SIPA1L2: variants seen among roughly 807,000 people sequenced by gnomAD.
SIPA1L2 encodes the protein signal-induced proliferation-associated 1-like protein 2.
SIPA1L2 carries 56 observed loss-of-function variants against 163.9 expected under a neutral mutation model. The observed-to-expected ratio is 0.34, with a 90% confidence interval of 0.28 to 0.43. The LOEUF is 0.43. SIPA1L2 is among the 20% of genes least tolerant of loss of function. SIPA1L2 has a pLI of 1.00. For synonymous variants in SIPA1L2, 877 were observed against 865.7 expected (o/e 1.01, Z -0.23); for missense variants, 1,974 against 2,193.5 (o/e 0.90, Z 2.00).
At chr1:232,550,914 G>A (rs534771844) in intron 2 of SIPA1L2, among the ~76,000 whole-genome samples, 1 of 152,286 alleles carries the variant, frequency 6.6e-6, no homozygotes, top group East Asian at 1.9e-4. Context: ...ACTAGGTTCT[G>A]GCTTAAAGCA....
intron 5 of SIPA1L2, among the ~76,000 whole-genome samples, chr1:232,486,607 C>A (rs1415443686): frequency 2.6e-5 from 4 of 152,190 alleles, no homozygotes; most frequent in African/African-American, 9.7e-5. Flanking sequence ...GTCATGCCTA[C>A]TTTTGATCAG....
In SIPA1L2 at chr1:232,465,505, C is replaced by T. The variant is rs1003505185; in HGVS notation, c.2244-89G>A. On this transcript the variant is annotated intron_variant, in intron 8 of 22. Transcript: ENST00000674635. The surrounding 1 kb of genome is among the most constrained non-coding windows in gnomAD (Gnocchi z 4.1). ...AATTTGACATATATATACACACACA[C>T]ACACATATACATACACACACACACA... The T allele has an allele frequency of 7.1e-6, 7 of 979,072 alleles. No homozygotes were observed. The Admixed American group carries it at 1.2e-4, about 17-fold the overall frequency. The allele number at this position is 979,072 out of a possible 1,614,324, so 60.6% of individuals were successfully genotyped here.
intron 1 of SIPA1L2, among the ~76,000 whole-genome samples, chr1:232,628,708 G>A (rs190433080): frequency 0.013 from 2,005 of 152,204 alleles, 30 homozygotes; most frequent in Non-Finnish European, 0.018. Flanking sequence ...ATTACTAATT[G>A]TAACACTAGA....
chr1:232,486,220 C>G (rs1665641152), intron 5 of SIPA1L2, among the ~76,000 whole-genome samples: 1 of 152,186 alleles, frequency 6.6e-6, no homozygotes. Flanking sequence ...CGTCACCAGC[C>G]TGGCTCACTT....
chr1:232,412,049 A>T (rs1660986025), intron 19 of SIPA1L2, among the ~76,000 whole-genome samples: 1 of 152,202 alleles, frequency 6.6e-6, no homozygotes, highest in Non-Finnish European at 1.5e-5. Flanking sequence ...CCTTGCACGA[A>T]TAGAGTTTAA....
chr1:232,460,335 C>T (rs192118353), intron 10 of SIPA1L2, among the ~76,000 whole-genome samples: 1 of 152,276 alleles, frequency 6.6e-6, no homozygotes, highest in Non-Finnish European at 1.5e-5. Context: ...TTTCTCCTGA[C>T]AGTTTATGAT....
At chr1:232,457,738 G>A (rs1664008008) in intron 10 of SIPA1L2, among the ~76,000 whole-genome samples, 1 of 152,148 alleles carries the variant, frequency 6.6e-6, no homozygotes, top group Non-Finnish European at 1.5e-5. Context: ...CTCCTCTACA[G>A]TTTCTTAACA....
chr1:232,522,268 G>A (rs1465344833), intron 2 of SIPA1L2, among the ~76,000 whole-genome samples: 1 of 152,128 alleles, frequency 6.6e-6, no homozygotes, highest in Non-Finnish European at 1.5e-5. Context: ...TGGTCCATGA[G>A]TTCCAGCCCC....
rs78141199 is a variant in SIPA1L2, at chr1:232,616,784, T to C, written c.-319+13085A>G. Among the ~76,000 whole-genome samples, 4,574 of 152,306 alleles carry C rather than the reference T, an allele frequency of 0.03. 390 individuals carry two copies. In the East Asian group the frequency reaches 0.36, roughly 12 times the overall value. On this transcript the variant is annotated intron_variant, in intron 1 of 22. Coordinates refer to ENST00000674635, the MANE Select transcript of SIPA1L2 (RefSeq NM_020808.5). ...ACATGCAAAACCACCATTAACCCGG[T>C]ACAGCTGATGAAAACGTTTTAGTAC... is the stretch of plus-strand genomic sequence containing the variant.
At chr1:232,505,536 G>A (rs1282364689) in intron 3 of SIPA1L2, among the ~76,000 whole-genome samples, 3 of 152,210 alleles carry the variant, frequency 2.0e-5, no homozygotes, top group Admixed American at 6.5e-5. Flanking sequence ...CAGAGAGTCA[G>A]TAGGTTTTGA....
At chr1:232,411,191 A>G (rs1455141045) in intron 19 of SIPA1L2, among the ~76,000 whole-genome samples, 1 of 152,192 alleles carries the variant, frequency 6.6e-6, no homozygotes, top group East Asian at 1.9e-4. Flanking sequence ...TTTACAGGAA[A>G]CCAAGTTCTT....
At chr1:232,431,315 A>G (rs1286385586) in intron 16 of SIPA1L2, among the ~76,000 whole-genome samples, 1 of 152,238 alleles carries the variant, frequency 6.6e-6, no homozygotes, top group Admixed American at 6.5e-5. Flanking sequence ...GCAATGACTG[A>G]CATGATTTTT....
At chr1:232,446,477 G>A (rs1387827371) in intron 10 of SIPA1L2, among the ~76,000 whole-genome samples, 1 of 152,138 alleles carries the variant, frequency 6.6e-6, no homozygotes, top group Non-Finnish European at 1.5e-5. Context: ...TGTATGCTTT[G>A]TATACATGCA....
chr1:232,593,222 C>T (rs55860225), intron 1 of SIPA1L2, among the ~76,000 whole-genome samples: 24,729 of 152,112 alleles, frequency 0.16, 2,130 homozygotes, highest in Middle Eastern at 0.24. Flanking sequence ...ATATTCAACT[C>T]TCTCATAGAG....
chr1:232,521,072 A>G (rs567272453), intron 2 of SIPA1L2, among the ~76,000 whole-genome samples: 2 of 152,354 alleles, frequency 1.3e-5, no homozygotes, highest in South Asian at 4.1e-4. Flanking sequence ...CTGAACATGA[A>G]AATAAGTTCT....
rs1025085434 is a variant in SIPA1L2, at chr1:232,630,114, T to A, written c.-564A>T. 1.1e-4 allele frequency among the ~76,000 whole-genome samples: 16 copies of A among 150,806 alleles called. No homozygotes were observed. The highest frequency in any genetic ancestry group is 1.9e-4 in the Non-Finnish European group (13 of 67,566). ...CTCCTCCTCCTCTCGCTCCGCCAGC[T>A]CCTCCCGGGCTCCCAGTCTGCCGCG... On this transcript the variant is annotated 5_prime_UTR_variant, in exon 1 of 23. Coordinates refer to ENST00000674635, the MANE Select transcript of SIPA1L2 (RefSeq NM_020808.5).
intron 11 of SIPA1L2, among the ~76,000 whole-genome samples, chr1:232,444,011 A>G (rs1275005096): frequency 6.6e-6 from 1 of 152,246 alleles, no homozygotes; most frequent in African/African-American, 2.4e-5. Flanking sequence ...CCGAGAATAC[A>G]GAATTATGAA....
At chr1:232,520,095 G>C (rs1397640302) in intron 2 of SIPA1L2, among the ~76,000 whole-genome samples, 9 of 152,128 alleles carry the variant, frequency 5.9e-5, no homozygotes, top group Non-Finnish European at 1.2e-4. Flanking sequence ...GTTTGCCTTC[G>C]AATGATCTAA....
rs139725120 is a variant in SIPA1L2 at position 232,457,048 on chromosome 1, T to TCA, written c.3095+3837_3095+3838dup. Among the ~76,000 whole-genome samples, 1,096 of 152,256 alleles carry TCA rather than the reference T, an allele frequency of 7.2e-3. 14 individuals carry two copies. The highest frequency in any genetic ancestry group is 0.025 in the African/African-American group (1,034 of 41,542). Reference sequence around the variant, plus strand: ...TCACGCTGAGGGACAAGCTAGACTGTCACCTCCCTTAGGCTGGCAAATGGG... The same window carrying TCA: ...TCACGCTGAGGGACAAGCTAGACTGTCACACCTCCCTTAGGCTGGCAAATGGG... On this transcript the variant is annotated intron_variant, in intron 10 of 22. Coordinates refer to ENST00000674635, the MANE Select transcript of SIPA1L2 (RefSeq NM_020808.5).
Sources: gnomAD v4.1 joint callset for allele counts (sites outside exome capture counted in the v4.1 genomes callset) on GRCh38, gnomAD v4.1.1 for gene constraint, Gnocchi (gnomAD v3.1) non-coding constraint, MANE v1.5 for transcripts, NCBI Gene and HGNC (gene_info 2026-07-23, HGNC 2026-07-21) for gene names.